Variants in SDK2 observed in about 807,000 individuals in gnomAD.
SDK2 encodes the protein sidekick cell adhesion molecule 2.
A neutral mutation model predicts 253.9 loss-of-function variants in SDK2; 105 were observed. The observed-to-expected ratio is 0.41, with a 90% CI of 0.35 to 0.49. The LOEUF (loss-of-function observed/expected upper bound fraction) is 0.49. Among genes scored for constraint, SDK2 ranks in the 20% least tolerant of loss-of-function variants. SDK2 has a pLI of 0.06. For synonymous variants in SDK2, 1,249 were observed against 1,234.9 expected, an observed-to-expected ratio of 1.01 and a Z score of -0.24; for missense variants, 2,608 against 3,003.0, an observed-to-expected ratio of 0.87 and a Z score of 3.07.
chr17:73,388,723 TCTTCCTTCCCTCC>T (rs1038787532), intron 29 of SDK2, among the ~76,000 whole-genome samples: 7 of 146,144 alleles, frequency 4.8e-5, no homozygotes, highest in Non-Finnish European at 6.0e-5. Flanking sequence ...TACATTTTCT[TCTTCCTTCCCTCC>T]CTTCCTTCCC....
At chr17:73,353,516 G>A (rs906178409) in intron 40 of SDK2, among the ~76,000 whole-genome samples, 1 of 152,070 alleles carries the variant, frequency 6.6e-6, no homozygotes, top group Non-Finnish European at 1.5e-5. Context: ...TGCCTCCCGA[G>A]TTCAAGCGAT....
Position 73,440,914 on chromosome 17 carries a change from C to A in SDK2, c.623G>T (p.Gly208Val). 1 of 1,549,928 alleles carries A rather than the reference C, an allele frequency of 6.5e-7. No homozygotes were observed. Among genetic ancestry groups the A allele is most frequent in the Non-Finnish European group, 8.7e-7 (1 of 1,145,748 alleles). The part of the protein sequence containing the change: ...PITLTVENVG[G>V]PADPIAPTII... The stretch of plus-strand genomic sequence containing the variant: ...GGTGGGTGCGATGGGGTCTGCAGGC[C>A]CCCCTACATCTGGAGAGAGATCAGA... Residue 208 changes from glycine to valine, a missense_variant, in exon 6 of 45, where the codon GGG becomes GTG. Around this residue, in one of 2 missense-constraint regions of SDK2, gnomAD observed 1,505 missense variants for 1,859.1 expected, o/e 0.81. Transcript: ENST00000392650.
chr17:73,422,886 T>C (rs2063244320), intron 14 of SDK2, among the ~76,000 whole-genome samples: 2 of 152,018 alleles, frequency 1.3e-5, no homozygotes, highest in Admixed American at 6.5e-5. Flanking sequence ...CTGGGCATGG[T>C]GATGTATGCC....
At chr17:73,462,714 G>A (rs2063572392) in intron 3 of SDK2, among the ~76,000 whole-genome samples, 1 of 152,096 alleles carries the variant, frequency 6.6e-6, no homozygotes, top group African/African-American at 2.4e-5. Context: ...TTTATATGGT[G>A]AGGTGGATGG....
chr17:73,340,269 C>A (rs2062423567), intron 44 of SDK2, among the ~76,000 whole-genome samples: 1 of 152,210 alleles, frequency 6.6e-6, no homozygotes. Context: ...TGTTGTGCAA[C>A]CACCACTTCT....
intron 39 of SDK2, among the ~76,000 whole-genome samples, chr17:73,358,726 C>T (rs1039548330): frequency 6.6e-6 from 1 of 152,072 alleles, no homozygotes; most frequent in African/African-American, 2.4e-5. Context: ...ATGATGTCCG[C>T]CCTCCCTCAT....
At chr17:73,382,839 TAACAACAACAAC>T (rs372656877) in intron 33 of SDK2, among the ~76,000 whole-genome samples, 1 of 151,268 alleles carries the variant, frequency 6.6e-6, no homozygotes, top group Non-Finnish European at 1.5e-5. Flanking sequence ...CCGTCTCTAC[TAACAACAACAAC>T]AACAACGACA....
rs769945438 is a variant in SDK2, at chr17:73,398,142, T to TG, written c.3246dup (p.Ser1083GlnfsTer5). ...GTCTGGATCTTTCTAGAAGGCTGACTGGGGGGGCTGGTGCCCACGATGTTC... is the reference window on the plus strand; with the variant it reads ...GTCTGGATCTTTCTAGAAGGCTGACTGGGGGGGGCTGGTGCCCACGATGTTC... On this transcript the variant is annotated frameshift_variant, in exon 24 of 45. Transcript: ENST00000392650. LOFTEE classifies it high-confidence loss of function. The TG allele has an allele frequency of 6.2e-6, 10 of 1,613,478 alleles. No homozygotes were observed. The highest frequency in any genetic ancestry group is 2.2e-5 in the South Asian group (2 of 91,038).
chr17:73,458,282 A>G (rs1482910492), intron 3 of SDK2, among the ~76,000 whole-genome samples: 2 of 152,224 alleles, frequency 1.3e-5, no homozygotes, highest in Non-Finnish European at 2.9e-5. Context: ...GGTAGTTCCA[A>G]CGTGAGCTAA....
chr17:73,491,601 C>T (rs75982578), intron 2 of SDK2, among the ~76,000 whole-genome samples: 2,381 of 152,252 alleles, frequency 0.016, 64 homozygotes, highest in African/African-American at 0.054. Context: ...TGCTTGCAAG[C>T]GTGAGCCACT....
intron 36 of SDK2, among the ~76,000 whole-genome samples, chr17:73,372,025 G>T (rs2145445820): frequency 6.6e-6 from 1 of 152,092 alleles, no homozygotes; most frequent in South Asian, 2.1e-4. Context: ...ATGCTTTTCT[G>T]CCCTGCCCGT....
At chr17:73,417,603 G>A (rs183091722) in intron 16 of SDK2, among the ~76,000 whole-genome samples, 32 of 152,146 alleles carry the variant, frequency 2.1e-4, no homozygotes, top group Middle Eastern at 3.4e-3. Flanking sequence ...CTAACCAGGG[G>A]CACTGAGAGG....
chr17:73,559,602 C>CCT (rs1337411044), intron 1 of SDK2, among the ~76,000 whole-genome samples: 13 of 132,348 alleles, frequency 9.8e-5, no homozygotes, highest in African/African-American at 3.7e-4. Flanking sequence ...CCCTGTGCCC[C>CCT]CCGCCCCCGC....
In SDK2 at chr17:73,382,889, C is replaced by T. The variant is rs1274362211; in HGVS notation, c.4705+987G>A. Among the ~76,000 whole-genome samples the T allele has an allele frequency of 3.9e-5, 6 of 152,258 alleles. No homozygotes were observed. In the East Asian group the frequency reaches 7.7e-4, roughly 20 times the overall value. On this transcript the variant is annotated intron_variant, in intron 33 of 44. Coordinates refer to ENST00000392650, the MANE Select transcript of SDK2 (RefSeq NM_001144952.2). The stretch of plus-strand genomic sequence containing the variant: ...AACAACAACGACAACATTAGCTGGG[C>T]GTGGTGGCACACGCCTGGAGTCCTA...
chr17:73,463,576 T>C (rs946775440), intron 3 of SDK2, among the ~76,000 whole-genome samples: 10 of 152,192 alleles, frequency 6.6e-5, no homozygotes, highest in Admixed American at 5.9e-4. Flanking sequence ...ATTGAGGTCA[T>C]GTGCCTTTGC....
At position 73,414,719 on chromosome 17, in the gene SDK2, G is replaced by T; in HGVS notation, c.2409C>A (p.Thr803=). The T allele has an allele frequency of 1.2e-6, 2 of 1,613,890 alleles. No homozygotes were observed. The highest frequency in any genetic ancestry group is 1.7e-6 in the Non-Finnish European group (2 of 1,179,856). The change falls in exon 18 of 45, where the codon ACC becomes ACA. Residue 803 remains threonine, a synonymous_variant. Coordinates refer to ENST00000392650, the MANE Select transcript of SDK2 (RefSeq NM_001144952.2). ...AGGTGAAGCGGATGGTCGTGGAATTGGTGGCTTCCGCGTGCACATTGCCCG... is the reference window on the plus strand; with the variant it reads ...AGGTGAAGCGGATGGTCGTGGAATTTGTGGCTTCCGCGTGCACATTGCCCG... The part of the protein sequence containing the change: ...VPPGNVHAEA[T]NSTTIRFTWN...
At chr17:73,439,785 G>A (rs2063399580) in intron 6 of SDK2, among the ~76,000 whole-genome samples, 1 of 152,170 alleles carries the variant, frequency 6.6e-6, no homozygotes, top group South Asian at 2.1e-4. Context: ...AGGCCCAGAG[G>A]GCGGCAGTGA....
At chr17:73,530,595 GCT>G (rs2064161232) in intron 1 of SDK2, among the ~76,000 whole-genome samples, 1 of 152,292 alleles carries the variant, frequency 6.6e-6, no homozygotes, top group Admixed American at 6.5e-5. Context: ...AATGGTAGGG[GCT>G]GTAAGCCCCT....
chr17:73,580,941 G>T (rs1452739579), intron 1 of SDK2, among the ~76,000 whole-genome samples: 1 of 152,184 alleles, frequency 6.6e-6, no homozygotes, highest in African/African-American at 2.4e-5. Context: ...CATCCAGGCT[G>T]GAGTGCAGTG....
Sources: gnomAD v4.1 joint callset for allele counts (sites outside exome capture counted in the v4.1 genomes callset) on GRCh38, gnomAD v4.1.1 for gene constraint, gnomAD v4.1.1 regional missense constraint, MANE v1.5 for transcripts, NCBI Gene and HGNC (gene_info 2026-07-23, HGNC 2026-07-21) for gene names.